Variants in GNG4 observed in about 807,000 individuals in gnomAD.
The protein encoded by GNG4 is G protein subunit gamma 4.
GNG4 carries 4 observed loss-of-function variants against 5.8 expected under a neutral mutation model. The ratio of observed to expected loss-of-function variants is 0.69; its 90% CI spans 0.34 to 1.57. The LOEUF (loss-of-function observed/expected upper bound fraction) is 1.57. GNG4 is among the 40% of genes most tolerant of loss of function. The pLI is 0.06. For missense variants in GNG4, 96 were observed against 95.1 expected, an observed-to-expected ratio of 1.01 and a Z score of -0.04; for synonymous variants, 29 against 32.9, an observed-to-expected ratio of 0.88 and a Z score of 0.41.
chr1:235,587,353 G>A (rs1450094784), intron 2 of GNG4, among the ~76,000 whole-genome samples: 14 of 106,476 alleles, frequency 1.3e-4, no homozygotes, highest in Admixed American at 1.1e-3. Flanking sequence ...ATGAGGGTCA[G>A]GGGTGGGGTG....
At chr1:235,650,057 C>G (rs1248336308), upstream of GNG4, 2 of 151,060 alleles carry the variant, frequency 1.3e-5, no homozygotes, top group Non-Finnish European at 3.0e-5. Flanking sequence ...CCCGCTGCCA[C>G]CGACGTCACT....
intron 2 of GNG4, among the ~76,000 whole-genome samples, chr1:235,594,056 G>T (rs922867157): frequency 6.6e-6 from 1 of 152,158 alleles, no homozygotes; most frequent in African/African-American, 2.4e-5. Flanking sequence ...TGATTGGTCC[G>T]TTTTGACAGG....
intron 1 of GNG4, among the ~76,000 whole-genome samples, chr1:235,608,989 A>G (rs574792411): frequency 6.6e-6 from 1 of 151,052 alleles, no homozygotes; most frequent in South Asian, 2.1e-4. Context: ...TGGCTCCTCA[A>G]TTTTTTTTTG....
chr1:235,604,642 G>A (rs771699125), intron 1 of GNG4, among the ~76,000 whole-genome samples: 4 of 151,962 alleles, frequency 2.6e-5, no homozygotes, highest in Admixed American at 6.6e-5. Context: ...TGTCATCTTC[G>A]CTCCTTATAA....
intron 1 of GNG4, among the ~76,000 whole-genome samples, chr1:235,620,346 C>A (rs1210866202): frequency 6.6e-6 from 1 of 152,140 alleles, no homozygotes; most frequent in East Asian, 1.9e-4. Flanking sequence ...GCCTGGGCGA[C>A]AAGAGTGAAA....
chr1:235,596,270 G>T (rs1410818577), intron 1 of GNG4, among the ~76,000 whole-genome samples: 1 of 150,264 alleles, frequency 6.7e-6, no homozygotes, highest in African/African-American at 2.5e-5. Context: ...GGGCGCAGGG[G>T]CTTATGCCTG....
At chr1:235,588,516 TC>T (rs1687881288) in intron 2 of GNG4, among the ~76,000 whole-genome samples, 1 of 151,948 alleles carries the variant, frequency 6.6e-6, no homozygotes, top group East Asian at 1.9e-4. Flanking sequence ...CTTTCCTCTG[TC>T]CCTAAAACCT....
chr1:235,617,622 C>T (rs1284456275), intron 1 of GNG4, among the ~76,000 whole-genome samples: 1 of 152,160 alleles, frequency 6.6e-6, no homozygotes, highest in African/African-American at 2.4e-5. Context: ...CGGTGGCTCA[C>T]GCCTGTAATC....
intron 3 of GNG4, among the ~76,000 whole-genome samples, chr1:235,567,294 CAT>C (rs1378218332): frequency 9.9e-5 from 15 of 152,198 alleles, no homozygotes; most frequent in East Asian, 7.7e-4. Flanking sequence ...CATATATACA[CAT>C]ATATGTGTAT....
intron 2 of GNG4, among the ~76,000 whole-genome samples, chr1:235,588,637 A>C (rs996691339): frequency 2.6e-5 from 4 of 151,618 alleles, no homozygotes; most frequent in Admixed American, 1.3e-4. Flanking sequence ...TCCACAATCC[A>C]GCCTCTGCGA....
intron 1 of GNG4, among the ~76,000 whole-genome samples, chr1:235,625,611 C>T (rs1050664297): frequency 1.3e-5 from 2 of 152,210 alleles, no homozygotes; most frequent in African/African-American, 4.8e-5. Flanking sequence ...GTGCCTCCAC[C>T]ACAGCAACCA....
At chr1:235,561,399 T>G (rs1322984171) in intron 3 of GNG4, among the ~76,000 whole-genome samples, 3 of 145,290 alleles carry the variant, frequency 2.1e-5, no homozygotes, top group African/African-American at 8.5e-5. Flanking sequence ...GCGCTCGCGC[T>G]CTCTCTCTCT....
intron 3 of GNG4, among the ~76,000 whole-genome samples, chr1:235,562,123 A>T (rs1687079095): frequency 6.6e-6 from 1 of 152,116 alleles, no homozygotes; most frequent in African/African-American, 2.4e-5. Flanking sequence ...CTATATTTAC[A>T]TGGGTCTATT....
intron 3 of GNG4, chr1:235,566,958 T>C (rs1321273016): frequency 1.3e-5 from 2 of 152,076 alleles, no homozygotes; most frequent in Non-Finnish European, 2.9e-5. Flanking sequence ...ATTATTATTA[T>C]TGAAATAAAG....
chr1:235,630,384 A>C (rs1288763711), intron 1 of GNG4, among the ~76,000 whole-genome samples: 2 of 152,244 alleles, frequency 1.3e-5, no homozygotes, highest in Non-Finnish European at 2.9e-5. Flanking sequence ...TGAAAACAGC[A>C]GCCTGTGACT....
chr1:235,567,510 G>A (rs889923103), intron 3 of GNG4, among the ~76,000 whole-genome samples: 5 of 152,082 alleles, frequency 3.3e-5, no homozygotes, highest in Non-Finnish European at 5.9e-5. Context: ...TCTCCTGTCT[G>A]TTTCTATGAA....
rs1036954294 is a variant in GNG4 at position 235,649,011 on chromosome 1, CCAAA to C, written c.-123+647_-123+650del. ...TTCCAAGGCAATTTAAAAAATCAAG[CCAAA>C]CAAAGCTCCCCGGTTGCTGCCGGGC... On this transcript the variant is annotated intron_variant, in intron 1 of 3. Coordinates refer to ENST00000391854, the MANE Select transcript of GNG4 (RefSeq NM_001098722.2). The surrounding 1 kb of genome is among the most constrained non-coding windows in gnomAD (Gnocchi z 5.7). Among the ~76,000 whole-genome samples the C allele has an allele frequency of 2.0e-5, 3 of 152,192 alleles. No homozygotes were observed. Among genetic ancestry groups the C allele is most frequent in the Non-Finnish European group, 2.9e-5 (2 of 68,046 alleles).
intron 3 of GNG4, among the ~76,000 whole-genome samples, chr1:235,562,659 G>GAAAAAAAAAAAAAGAAAAAAAAAAAA (rs766199361): frequency 9.8e-5 from 5 of 51,226 alleles, no homozygotes; most frequent in African/African-American, 2.3e-4. Context: ...AAAAAAAAAA[G>GAAAAAAAAAAAAAGAAAAAAAAAAAA]AAAAAAAAAA....
At chr1:235,559,098 T>A (rs1179491306) in intron 3 of GNG4, among the ~76,000 whole-genome samples, 1 of 152,204 alleles carries the variant, frequency 6.6e-6, no homozygotes, top group East Asian at 1.9e-4. Context: ...GCATCTGAAG[T>A]AGACAGACCC....
Sources: gnomAD v4.1 joint callset for allele counts (sites outside exome capture counted in the v4.1 genomes callset) on GRCh38, gnomAD v4.1.1 for gene constraint, Gnocchi (gnomAD v3.1) non-coding constraint, MANE v1.5 for transcripts, NCBI Gene and HGNC (gene_info 2026-07-23, HGNC 2026-07-21) for gene names.